PKHD1: variants seen among roughly 807,000 people sequenced by gnomAD.
The protein encoded by PKHD1 is PKHD1 ciliary IPT domain containing fibrocystin/polyductin.
A neutral mutation model predicts 412.0 loss-of-function variants in PKHD1; 291 were observed. That is an observed-to-expected ratio of 0.71 (90% CI 0.64 to 0.78). The LOEUF is 0.78. PKHD1 is among the 30% of genes least tolerant of loss of function. The probability of loss-of-function intolerance (pLI) is 0.00; values close to 1 mark genes in which losing one functional copy is unlikely to be tolerated. For synonymous variants in PKHD1, 1,777 were observed against 1,821.5 expected (o/e 0.98, Z 0.62); for missense variants, 4,825 against 4,950.7 (o/e 0.97, Z 0.76).
chr6:51,920,406 C>A (rs960251409), intron 37 of PKHD1, among the ~76,000 whole-genome samples: 1 of 152,048 alleles, frequency 6.6e-6, no homozygotes, highest in Non-Finnish European at 1.5e-5. Flanking sequence ...GTCTTTGGTT[C>A]GGTTTATATG....
chr6:51,881,505 A>G (rs1324632943), intron 46 of PKHD1, among the ~76,000 whole-genome samples: 3 of 152,194 alleles, frequency 2.0e-5, no homozygotes, highest in South Asian at 2.1e-4. Context: ...TTATAACCAA[A>G]TAATCTTCTC....
At position 52,079,907 on chromosome 6, in the gene PKHD1, G is replaced by C; in HGVS notation, c.383C>G (p.Thr128Ser). 6.4e-7 allele frequency: 1 copy of C among 1,574,350 alleles called. No homozygotes were observed. The highest frequency in any genetic ancestry group is 8.7e-7 in the Non-Finnish European group (1 of 1,143,830). ...TCCAGCCTTAGAACCCACCTTGAAA[G>C]TACAGCTATCTCGTGGTCCTGGATT... ...SPNPGPRDSC[T>S]FKFSKAQTPI... The change falls in exon 5 of 67, where the codon ACT becomes AGT. Residue 128 changes from threonine to serine, a missense_variant. Physicochemically the swap from Thr to Ser is moderately conservative, Grantham distance 58 (BLOSUM62 1). Transcript: ENST00000371117.
intron 4 of PKHD1, among the ~76,000 whole-genome samples, chr6:52,080,290 T>A (rs756579287): frequency 9.9e-5 from 15 of 152,226 alleles, no homozygotes; most frequent in Non-Finnish European, 1.9e-4. Flanking sequence ...CTTTAAGAAT[T>A]AGAAGAGACT....
Position 52,066,016 on chromosome 6 carries a change from T to C in PKHD1, c.840A>G (p.Thr280=), listed in dbSNP as rs1461472339. The change falls in exon 12 of 67, where the codon ACA becomes ACG. Residue 280 remains threonine (T), a synonymous_variant. Coordinates refer to ENST00000371117, the MANE Select transcript of PKHD1 (RefSeq NM_138694.4). ...GGGCAGAATTGTCAAAAAAGTCTCC[T>C]GTAATTGTGATGTTTGTTCTTCCCC... ...SLGGRTNITI[T]GDFFDNSAQV... is the part of the protein sequence containing the mutation. The C allele has an allele frequency of 2.5e-6, 4 of 1,603,214 alleles. No individual in the cohort carries two copies. Among genetic ancestry groups the C allele is most frequent in the Non-Finnish European group, 3.4e-6 (4 of 1,170,250 alleles).
intron 49 of PKHD1, among the ~76,000 whole-genome samples, chr6:51,853,605 G>A (rs1304489493): frequency 6.6e-6 from 1 of 152,074 alleles, no homozygotes; most frequent in Non-Finnish European, 1.5e-5. Context: ...ATATTTCTTG[G>A]AGACCTTGTT....
chr6:52,084,816 A>G (rs570029600), intron 2 of PKHD1, 66 bp downstream of exon 2: 6 of 1,009,408 alleles, frequency 5.9e-6, no homozygotes, highest in Non-Finnish European at 9.6e-6. Flanking sequence ...TTAAGTTTCA[A>G]TAATAGTTCT....
At chr6:52,014,461 A>G (rs1224555299) in intron 34 of PKHD1, among the ~76,000 whole-genome samples, 2 of 152,214 alleles carry the variant, frequency 1.3e-5, no homozygotes, top group Non-Finnish European at 1.5e-5. Context: ...CACCTAGAAC[A>G]GAGTAGGGAT....
intron 55 of PKHD1, among the ~76,000 whole-genome samples, chr6:51,756,349 A>G (rs1226995517): frequency 6.6e-6 from 1 of 152,208 alleles, no homozygotes; most frequent in Non-Finnish European, 1.5e-5. Flanking sequence ...ACATGGAGCC[A>G]GTGATTGAAT....
chr6:51,935,104 T>G (rs9395747), intron 36 of PKHD1, among the ~76,000 whole-genome samples: 45,529 of 152,048 alleles, frequency 0.3, 8,302 homozygotes, highest in East Asian at 0.75. Context: ...CTGTCCCTGA[T>G]TTTTCAGACT....
chr6:52,004,481 G>A (rs1308369284), intron 35 of PKHD1, among the ~76,000 whole-genome samples: 1 of 151,790 alleles, frequency 6.6e-6, no homozygotes, highest in Non-Finnish European at 1.5e-5. Flanking sequence ...ATCATCCATA[G>A]GTCTGTTTTA....
At chr6:51,821,891 T>A (rs1766491767) in intron 52 of PKHD1, among the ~76,000 whole-genome samples, 1 of 152,124 alleles carries the variant, frequency 6.6e-6, no homozygotes, top group African/African-American at 2.4e-5. Context: ...TTCACCATGT[T>A]GGCCAGGCTG....
At chr6:52,033,636 AAT>A (rs886591214) in intron 28 of PKHD1, among the ~76,000 whole-genome samples, 5 of 150,576 alleles carry the variant, frequency 3.3e-5, no homozygotes, top group African/African-American at 4.9e-5. Flanking sequence ...TAATAATTTA[AAT>A]ATATATATAT....
intron 24 of PKHD1, 115 bp downstream of exon 24, chr6:52,045,889 T>C: frequency 1.3e-6 from 1 of 780,032 alleles, no homozygotes; most frequent in Non-Finnish European, 2.2e-6. Context: ...TACTCAAATA[T>C]TCCAACAAAA....
chr6:51,737,727 A>AGTGT (rs58089479), intron 60 of PKHD1, among the ~76,000 whole-genome samples: 50 of 149,714 alleles, frequency 3.3e-4, no homozygotes, highest in South Asian at 1.1e-3. Flanking sequence ...TGTGTGTGTG[A>AGTGT]GTGTGTGTGT....
At chr6:51,827,586 T>A (rs1489700932) in intron 52 of PKHD1, among the ~76,000 whole-genome samples, 1 of 152,160 alleles carries the variant, frequency 6.6e-6, no homozygotes, top group Non-Finnish European at 1.5e-5. Flanking sequence ...TCTTACCTCA[T>A]CTTTCAAAAT....
At chr6:51,983,844 C>G (rs1795888222) in intron 35 of PKHD1, among the ~76,000 whole-genome samples, 1 of 152,206 alleles carries the variant, frequency 6.6e-6, no homozygotes, top group African/African-American at 2.4e-5. Flanking sequence ...TAGGGCCTAA[C>G]GGTGTGTTTA....
intron 60 of PKHD1, among the ~76,000 whole-genome samples, chr6:51,692,758 G>T (rs1778330870): frequency 6.6e-6 from 1 of 151,758 alleles, no homozygotes; most frequent in African/African-American, 2.4e-5. Context: ...GTTTTCTTAT[G>T]GTTTTGTTTT....
intron 60 of PKHD1, among the ~76,000 whole-genome samples, chr6:51,723,154 G>A (rs1312055917): frequency 1.3e-5 from 2 of 152,152 alleles, no homozygotes; most frequent in Non-Finnish European, 2.9e-5. Flanking sequence ...CTAAGACCAA[G>A]TGTCAGAATC....
chr6:51,644,482 A>T (rs1218999177), intron 63 of PKHD1, among the ~76,000 whole-genome samples: 1 of 152,190 alleles, frequency 6.6e-6, no homozygotes. Context: ...CATCTGAATG[A>T]GCTTAGACTC....
Sources: allele counts gnomAD v4.1 joint callset (sites outside exome capture counted in the v4.1 genomes callset), GRCh38; gene constraint gnomAD v4.1.1; transcripts MANE v1.5; gene names NCBI Gene and HGNC (gene_info 2026-07-23, HGNC 2026-07-21).